CNIH3: variants seen among roughly 807,000 people sequenced by gnomAD.
CNIH3 encodes the protein protein cornichon homolog 3.
A neutral mutation model predicts 24.1 loss-of-function variants in CNIH3; 14 were observed. That is an observed-to-expected ratio of 0.58 (90% CI 0.38 to 0.91). The LOEUF is 0.91. Among genes scored for constraint, CNIH3 ranks in the 40% least tolerant of loss-of-function variants. The pLI is 0.00. For missense variants in CNIH3, 178 were observed against 196.8 expected, an observed-to-expected ratio of 0.90 and a Z score of 0.57; for synonymous variants, 68 against 73.8, an observed-to-expected ratio of 0.92 and a Z score of 0.40.
At chr1:224,538,782 C>A (rs1002866985), downstream of CNIH3, among the ~76,000 whole-genome samples, 1 of 151,600 alleles carries the variant, frequency 6.6e-6, no homozygotes, top group Admixed American at 6.6e-5. Flanking sequence ...ACCTCAGCCT[C>A]CTGAGTAGCT....
At chr1:224,520,600 G>T (rs942266530) in intron 1 of CNIH3, among the ~76,000 whole-genome samples, 4 of 152,374 alleles carry the variant, frequency 2.6e-5, no homozygotes, top group African/African-American at 7.2e-5. Flanking sequence ...ATAAGGTTCA[G>T]GCTAATACAA....
intron 1 of CNIH3, among the ~76,000 whole-genome samples, chr1:224,617,704 A>G (rs1183863866): frequency 6.6e-6 from 1 of 152,212 alleles, no homozygotes; most frequent in Non-Finnish European, 1.5e-5. Flanking sequence ...CAAAGTGGAA[A>G]CACGACGGGA....
At chr1:224,714,192 G>A (rs192407149) in intron 3 of CNIH3, among the ~76,000 whole-genome samples, 13 of 152,276 alleles carry the variant, frequency 8.5e-5, no homozygotes, top group African/African-American at 1.9e-4. Context: ...CAAGGCCTGC[G>A]CTCCCTGAAA....
intron 1 of CNIH3, among the ~76,000 whole-genome samples, chr1:224,457,876 CAG>C: frequency 6.6e-6 from 1 of 152,300 alleles, no homozygotes; most frequent in Admixed American, 6.5e-5. Context: ...ATGCATTCAA[CAG>C]AATACACTAG....
chr1:224,728,060 G>T (rs917290804), intron 3 of CNIH3, among the ~76,000 whole-genome samples: 5 of 152,166 alleles, frequency 3.3e-5, no homozygotes, highest in African/African-American at 1.2e-4. Context: ...TTAAGAGTGG[G>T]ACCTGAAATC....
chr1:224,605,564 G>T lies in CNIH3; in HGVS notation n.402+39300G>T, dbSNP rs190269172. On this transcript the variant is annotated intron_variant and non_coding_transcript_variant, in intron 3 of 7. Coordinates refer to the CNIH3 transcript ENST00000478120. Reference sequence around the variant, plus strand: ...ATAATTCCCAGCCATTATTCCAGAGGTCATAAGATTTGCAACTTCCCCAAT... The same window carrying T: ...ATAATTCCCAGCCATTATTCCAGAGTTCATAAGATTTGCAACTTCCCCAAT... Among the ~76,000 whole-genome samples, 8 of 152,290 alleles carry T rather than the reference G, an allele frequency of 5.3e-5. No homozygotes were observed. In the East Asian group the frequency reaches 1.5e-3, roughly 29 times the overall value.
downstream of CNIH3, among the ~76,000 whole-genome samples, chr1:224,540,887 CAG>C (rs1435954855): frequency 1.3e-5 from 2 of 152,132 alleles, no homozygotes; most frequent in Non-Finnish European, 2.9e-5. Flanking sequence ...TAGAATTAAA[CAG>C]TGTTCAACTT....
chr1:224,588,472 T>G (rs961161896), exon 6 of CNIH3: 4 of 152,054 alleles, frequency 2.6e-5, no homozygotes, highest in Non-Finnish European at 4.4e-5. Context: ...GCGTAAGAAT[T>G]CCCATTTAAG....
intron 1 of CNIH3, among the ~76,000 whole-genome samples, chr1:224,518,711 C>T (rs1347756154): frequency 6.6e-6 from 1 of 152,180 alleles, no homozygotes; most frequent in African/African-American, 2.4e-5. Flanking sequence ...CCTTGTGACA[C>T]ATGCAGGGCG....
chr1:224,721,659 G>A (rs1044424554), intron 3 of CNIH3, among the ~76,000 whole-genome samples: 2 of 152,150 alleles, frequency 1.3e-5, no homozygotes, highest in Non-Finnish European at 2.9e-5. Flanking sequence ...GGGAGGAGTG[G>A]GCAGAGCAAG....
chr1:224,598,075 C>A (rs959674776), intron 3 of CNIH3, among the ~76,000 whole-genome samples: 1 of 152,240 alleles, frequency 6.6e-6, no homozygotes. Context: ...CATGCAGAAA[C>A]TTCCTGGAAA....
chr1:224,566,997 G>C (rs185179009), intron 4 of CNIH3, among the ~76,000 whole-genome samples: 101 of 152,254 alleles, frequency 6.6e-4, no homozygotes, highest in Non-Finnish European at 1.3e-3. Context: ...GTGTAAAAGC[G>C]TTCCTATTTC....
intron 1 of CNIH3, among the ~76,000 whole-genome samples, chr1:224,504,746 G>A (rs1677823358): frequency 6.6e-6 from 1 of 152,146 alleles, no homozygotes; most frequent in South Asian, 2.1e-4. Context: ...TTAACTCTGT[G>A]ACCTTGGGGT....
chr1:224,633,300 A>G (rs1232030715), intron 1 of CNIH3, among the ~76,000 whole-genome samples: 1 of 152,044 alleles, frequency 6.6e-6, no homozygotes, highest in East Asian at 1.9e-4. Context: ...CTGGGACCAC[A>G]GGCACCCACC....
At chr1:224,590,413 T>C (rs138446641), downstream of CNIH3, among the ~76,000 whole-genome samples, 1 of 152,322 alleles carries the variant, frequency 6.6e-6, no homozygotes, top group Non-Finnish European at 1.5e-5. Flanking sequence ...GTCTCCTTTT[T>C]CCACTTTATC....
At chr1:224,510,417 G>T (rs146735030) in intron 1 of CNIH3, among the ~76,000 whole-genome samples, 228 of 151,948 alleles carry the variant, frequency 1.5e-3, no homozygotes, top group African/African-American at 5.1e-3. Context: ...CAGAATTGAG[G>T]TGGGTGACAG....
At chr1:224,516,346 T>C (rs1481946799) in intron 1 of CNIH3, among the ~76,000 whole-genome samples, 1 of 142,410 alleles carries the variant, frequency 7.0e-6, no homozygotes, top group Admixed American at 7.1e-5. Flanking sequence ...AAAAAATCCA[T>C]GCACTTCGGC....
intron 1 of CNIH3, among the ~76,000 whole-genome samples, chr1:224,677,034 G>A (rs1163613071): frequency 1.3e-5 from 2 of 152,180 alleles, no homozygotes; most frequent in African/African-American, 4.8e-5. Context: ...TTAGTGTTAG[G>A]CAGGCCTTGG....
At chr1:224,705,234 G>A (rs1687717164) in intron 3 of CNIH3, among the ~76,000 whole-genome samples, 1 of 152,174 alleles carries the variant, frequency 6.6e-6, no homozygotes, top group Admixed American at 6.5e-5. Flanking sequence ...TCTGAAGAGT[G>A]CCGAATGCAG....
Sources: gnomAD v4.1 joint callset for allele counts (sites outside exome capture counted in the v4.1 genomes callset) on GRCh38, gnomAD v4.1.1 for gene constraint, MANE v1.5 for transcripts, NCBI Gene and HGNC (gene_info 2026-07-23, HGNC 2026-07-21) for gene names.